The following MAGI2 variants were observed in gnomAD, a reference collection of about 807,000 sequenced individuals.
MAGI2 encodes membrane-associated guanylate kinase, WW and PDZ domain-containing protein 2.
In MAGI2, 35 loss-of-function variants were observed where a neutral mutation model predicts 133.3. The observed-to-expected ratio is 0.26, with a 90% CI of 0.20 to 0.35. The LOEUF (loss-of-function observed/expected upper bound fraction) is 0.35, where lower values mean the gene tolerates loss of function less well. Among genes scored for constraint, MAGI2 ranks in the 10% least tolerant of loss-of-function variants. MAGI2 has a pLI of 1.00. For synonymous variants in MAGI2, 729 were observed against 710.6 expected (o/e 1.03, Z -0.41); for missense variants, 1,636 against 1,863.4 (o/e 0.88, Z 2.25).
intron 2 of MAGI2, among the ~76,000 whole-genome samples, chr7:78,816,035 G>C (rs1032339882): frequency 6.6e-6 from 1 of 152,126 alleles, no homozygotes; most frequent in Admixed American, 6.5e-5. Context: ...TGAATGCAAA[G>C]GAAAAATTCT....
chr7:78,423,799 TGA>T (rs978770324), intron 6 of MAGI2, among the ~76,000 whole-genome samples: 4 of 152,060 alleles, frequency 2.6e-5, no homozygotes, highest in African/African-American at 9.7e-5. Context: ...GCCTTGAAGT[TGA>T]GAGAGATGAT....
At chr7:78,093,820 C>A (rs996204858) in intron 20 of MAGI2, among the ~76,000 whole-genome samples, 1 of 152,070 alleles carries the variant, frequency 6.6e-6, no homozygotes. Context: ...GAGCTTGTTA[C>A]GGAGTTGTGA....
At chr7:78,462,331 T>G (rs966057400) in intron 6 of MAGI2, among the ~76,000 whole-genome samples, 4 of 152,132 alleles carry the variant, frequency 2.6e-5, no homozygotes, top group Admixed American at 2.6e-4. Context: ...CATTCAGCAT[T>G]GAAACTAAAT....
intron 1 of MAGI2, among the ~76,000 whole-genome samples, chr7:79,265,022 C>T (rs1423125004): frequency 1.3e-5 from 2 of 152,134 alleles, no homozygotes; most frequent in Non-Finnish European, 2.9e-5. Context: ...CTAGGCTCCA[C>T]CTCCAACATT....
In MAGI2 at chr7:78,446,061, C is replaced by T. The variant is rs573961457; in HGVS notation, c.1045+43700G>A. ...TTGTGTTTCTTTTGTCTTGTAATTTCGTCTTTAAAATCTAGTAGGTACTTT... is the reference window on the plus strand; with the variant it reads ...TTGTGTTTCTTTTGTCTTGTAATTTTGTCTTTAAAATCTAGTAGGTACTTT... On this transcript the variant is annotated intron_variant, in intron 6 of 21. Transcript: ENST00000354212. 7.4e-5 allele frequency among the ~76,000 whole-genome samples: 11 copies of T among 149,468 alleles called. No individual in the cohort carries two copies. In the East Asian group the frequency reaches 9.9e-4, roughly 13 times the overall value.
chr7:78,730,244 T>C (rs1354926937), intron 2 of MAGI2, among the ~76,000 whole-genome samples: 1 of 152,182 alleles, frequency 6.6e-6, no homozygotes, highest in Non-Finnish European at 1.5e-5. Flanking sequence ...CCAGAGTTAC[T>C]ATCTTGTGTA....
intron 11 of MAGI2, among the ~76,000 whole-genome samples, chr7:78,196,514 T>C (rs927926990): frequency 1.3e-5 from 2 of 152,234 alleles, no homozygotes; most frequent in Admixed American, 6.5e-5. Flanking sequence ...CGTCCTGCTT[T>C]AGTTTTCACA....
intron 1 of MAGI2, among the ~76,000 whole-genome samples, chr7:79,330,041 A>T (rs1839950063): frequency 6.6e-6 from 1 of 152,156 alleles, no homozygotes. Context: ...GGGCTTTAGC[A>T]GATACTCCAA....
chr7:78,191,342 AAACTCTC>A, intron 12 of MAGI2, among the ~76,000 whole-genome samples: 1 of 152,276 alleles, frequency 6.6e-6, no homozygotes, highest in South Asian at 2.1e-4. Flanking sequence ...GGAAGTTGAG[AAACTCTC>A]AGTATTTAGT....
chr7:78,844,980 A>T (rs1479411316), intron 2 of MAGI2, among the ~76,000 whole-genome samples: 1 of 151,978 alleles, frequency 6.6e-6, no homozygotes. Flanking sequence ...TCAGTTCAGA[A>T]GAAAATATTT....
At chr7:78,734,937 T>C (rs1269639164) in intron 2 of MAGI2, among the ~76,000 whole-genome samples, 1 of 152,196 alleles carries the variant, frequency 6.6e-6, no homozygotes, top group East Asian at 1.9e-4. Context: ...TGTATGCCAC[T>C]GAGATTTTTG....
intron 1 of MAGI2, chr7:79,412,269 A>C (rs1392187735): frequency 6.6e-6 from 1 of 152,144 alleles, no homozygotes; most frequent in Non-Finnish European, 1.5e-5. Context: ...GTTGTACAGT[A>C]GTATTTCCAA....
At chr7:78,630,272 C>T (rs527627922) in intron 2 of MAGI2, among the ~76,000 whole-genome samples, 2 of 152,134 alleles carry the variant, frequency 1.3e-5, no homozygotes, top group Non-Finnish European at 2.9e-5. Context: ...TCTAACCCTA[C>T]TGCACATACC....
intron 12 of MAGI2, among the ~76,000 whole-genome samples, chr7:78,190,053 TTAAC>T (rs747051859): frequency 6.6e-5 from 10 of 152,230 alleles, no homozygotes; most frequent in Non-Finnish European, 1.2e-4. Context: ...ACAGATGAGA[TTAAC>T]TAACTTTCAG....
chr7:79,320,961 G>A (rs984299508), intron 1 of MAGI2, among the ~76,000 whole-genome samples: 3 of 152,076 alleles, frequency 2.0e-5, no homozygotes, highest in African/African-American at 7.2e-5. Context: ...GAGAAGGACT[G>A]AAATACCACA....
At chr7:78,112,742 T>C (rs1052738497) in intron 20 of MAGI2, among the ~76,000 whole-genome samples, 8 of 152,222 alleles carry the variant, frequency 5.3e-5, no homozygotes, top group African/African-American at 1.9e-4. Context: ...CCCTGGGGTA[T>C]AGTGGGCAGC....
chr7:78,553,366 C>G lies in MAGI2; in HGVS notation c.539-31721G>C, dbSNP rs147022918. On this transcript the variant is annotated intron_variant, in intron 3 of 21. Transcript: ENST00000354212. ...ATGAAATAAATATGTTTATGGCAAA[C>G]TGTAAAATGTTGCAGGTCACCTTGG... Among the ~76,000 whole-genome samples, 212 of 152,276 alleles carry G rather than the reference C, an allele frequency of 1.4e-3. 2 individuals are homozygous for G. The highest frequency in any genetic ancestry group is 4.8e-3 in the African/African-American group (200 of 41,562).
intron 1 of MAGI2, among the ~76,000 whole-genome samples, chr7:79,333,649 T>C (rs1840239152): frequency 1.3e-5 from 2 of 152,222 alleles, no homozygotes; most frequent in Admixed American, 6.5e-5. Context: ...TAAAAAACTT[T>C]CAAAACATGA....
intron 2 of MAGI2, among the ~76,000 whole-genome samples, chr7:78,801,758 C>CTG (rs1439019819): frequency 6.6e-6 from 1 of 152,106 alleles, no homozygotes; most frequent in Non-Finnish European, 1.5e-5. Flanking sequence ...CAAGCACTTT[C>CTG]TGTGTGTCAG....
Sources: allele counts gnomAD v4.1 joint callset (sites outside exome capture counted in the v4.1 genomes callset), GRCh38; gene constraint gnomAD v4.1.1; transcripts MANE v1.5; gene names NCBI Gene and HGNC (gene_info 2026-07-23, HGNC 2026-07-21).